Variants in SCLT1 observed in about 807,000 individuals in gnomAD.
SCLT1 encodes the protein sodium channel and clathrin linker 1.
SCLT1 carries 78 observed loss-of-function variants against 112.8 expected under a neutral mutation model. The observed-to-expected ratio is 0.69, with a 90% CI of 0.58 to 0.83. The LOEUF is 0.83. Ranked by LOEUF, SCLT1 falls within the 40% of genes least tolerant of loss-of-function variation. SCLT1 has a pLI of 0.00. For missense variants in SCLT1, 747 were observed against 770.4 expected (o/e 0.97, Z 0.36); for synonymous variants, 257 against 254.7 (o/e 1.01, Z -0.09).
At chr4:128,973,450 G>T (rs1489201602) in intron 9 of SCLT1, among the ~76,000 whole-genome samples, 1 of 148,018 alleles carries the variant, frequency 6.8e-6, no homozygotes, top group African/African-American at 2.5e-5. Context: ...GGAGGGGAAG[G>T]AGTAGTGGGA....
Position 128,937,139 on chromosome 4 carries a change from G to A in SCLT1, c.1633-288C>T, listed in dbSNP as rs144801709. Among the ~76,000 whole-genome samples the A allele has an allele frequency of 3.7e-3, 560 of 151,988 alleles. 2 individuals are homozygous for A. The highest frequency in any genetic ancestry group is 7.0e-3 in the Non-Finnish European group (478 of 67,920). On this transcript the variant is annotated intron_variant, in intron 17 of 20. Transcript: ENST00000281142. ...CTAAAAATACAAAAATTAGCTGGGCGTGATGGCACACGCCTGTAATCCCAG... is the reference window on the plus strand; with the variant it reads ...CTAAAAATACAAAAATTAGCTGGGCATGATGGCACACGCCTGTAATCCCAG...
chr4:128,893,891 AAAT>A (rs1438502142), intron 18 of SCLT1, among the ~76,000 whole-genome samples: 1 of 152,130 alleles, frequency 6.6e-6, no homozygotes, highest in Non-Finnish European at 1.5e-5. Context: ...GAAATTAAAA[AAAT>A]AAGTAACTTG....
At chr4:129,082,434 G>A (rs1752026364) in intron 1 of SCLT1, 61 bp from the exon 2 acceptor site, 1 of 1,017,300 alleles carries the variant, frequency 9.8e-7, no homozygotes, top group Non-Finnish European at 1.5e-6. Context: ...TTTAAAACTA[G>A]AAATACAGTA....
intron 4 of SCLT1, chr4:128,875,078 A>G (rs1047670183): frequency 1.3e-5 from 2 of 152,306 alleles, no homozygotes; most frequent in African/African-American, 4.8e-5. Context: ...TTTATATTAC[A>G]TGACCCAATC....
chr4:128,965,444 AAAAG>A, intron 10 of SCLT1, 126 bp from the exon 11 acceptor site: 1 of 656,736 alleles, frequency 1.5e-6, no homozygotes, highest in Non-Finnish European at 2.7e-6. Context: ...CACTTACGTT[AAAAG>A]AAACAATATG....
chr4:129,030,594 A>G (rs1446655612), intron 5 of SCLT1, among the ~76,000 whole-genome samples: 2 of 152,128 alleles, frequency 1.3e-5, no homozygotes, highest in Non-Finnish European at 2.9e-5. Flanking sequence ...AAGAGAGAAG[A>G]ATCAAATAGA....
chr4:128,908,861 G>A (rs571018274), intron 18 of SCLT1, among the ~76,000 whole-genome samples: 8 of 152,284 alleles, frequency 5.3e-5, no homozygotes, highest in South Asian at 4.2e-4. Context: ...TAAAGAAGGC[G>A]TACACTCTAG....
intron 5 of SCLT1, among the ~76,000 whole-genome samples, chr4:129,025,017 C>T (rs1745902240): frequency 6.6e-6 from 1 of 152,040 alleles, no homozygotes; most frequent in East Asian, 1.9e-4. Context: ...TAAAAAGAAA[C>T]AAACAAAGCC....
intron 1 of SCLT1, among the ~76,000 whole-genome samples, chr4:129,091,041 G>T (rs1451604646): frequency 6.6e-6 from 1 of 152,162 alleles, no homozygotes; most frequent in East Asian, 1.9e-4. Context: ...AGACAATCAA[G>T]ATCAACAGAA....
rs150118072 is a variant in SCLT1 at position 129,009,236 on chromosome 4, C to A, written c.291-5360G>T. Among the ~76,000 whole-genome samples, 911 of 152,244 alleles carry A rather than the reference C, an allele frequency of 6.0e-3. 7 individuals are homozygous for A. Among genetic ancestry groups the A allele is most frequent in the African/African-American group, 0.021 (870 of 41,540 alleles). ...TGTTTTGAGTTCTTTGAGATCCAAG[C>A]CGGGCGCGGTGGCTCACGCCTATAA... On this transcript the variant is annotated intron_variant, in intron 5 of 20. Transcript: ENST00000281142.
In SCLT1 at chr4:129,003,871, T is replaced by G. The variant is rs1329173593; in HGVS notation, c.296A>C (p.His99Pro). 1 of 1,610,678 alleles carries G rather than the reference T, an allele frequency of 6.2e-7. No homozygotes were observed. Among genetic ancestry groups the G allele is most frequent in the African/African-American group, 1.3e-5 (1 of 74,918 alleles). The change falls in exon 6 of 21, where the codon CAC becomes CCC. Residue 99 changes from histidine (H) to proline (P), a missense_variant. His to Pro is a moderately conservative substitution (Grantham distance 77, BLOSUM62 -2). Transcript: ENST00000281142. ...ENVIKENERL[H>P]SELKDAVEKK... ...TTCAACAGCATCTTTTAATTCACTG[T>G]GCAACCTTTGAAACAAATAGTTAAC...
chr4:129,093,162 A>G lies in SCLT1; in HGVS notation c.-59T>C. The stretch of plus-strand genomic sequence containing the variant: ...CTTTACCTTCCTCTGAAAGACAGAG[A>G]GCTTGCTGTGCGGGAAAACAAAACT... On this transcript the variant is annotated 5_prime_UTR_variant, in exon 1 of 21. Coordinates refer to ENST00000281142, the MANE Select transcript of SCLT1 (RefSeq NM_144643.4). The G allele has an allele frequency of 6.5e-7, 1 of 1,540,676 alleles. No individual in the cohort carries two copies. Among genetic ancestry groups the G allele is most frequent in the South Asian group, 1.1e-5 (1 of 89,522 alleles).
At chr4:128,984,939 A>G (rs1560928172) in intron 9 of SCLT1, among the ~76,000 whole-genome samples, 1 of 152,266 alleles carries the variant, frequency 6.6e-6, no homozygotes, top group Non-Finnish European at 1.5e-5. Flanking sequence ...TATTGTTATT[A>G]CAAGCATATG....
chr4:128,912,359 T>C (rs886338224), intron 18 of SCLT1, among the ~76,000 whole-genome samples: 1 of 152,160 alleles, frequency 6.6e-6, no homozygotes, highest in African/African-American at 2.4e-5. Flanking sequence ...ATGGATGCTA[T>C]TGTATGTCAA....
chr4:128,933,323 C>A (rs1374099910), intron 18 of SCLT1, among the ~76,000 whole-genome samples: 2 of 151,696 alleles, frequency 1.3e-5, no homozygotes, highest in Admixed American at 1.3e-4. Flanking sequence ...CAAAGGTGAC[C>A]AAAGACTTTT....
chr4:128,943,174 A>T lies in SCLT1; in HGVS notation c.1454T>A (p.Ile485Lys), dbSNP rs889846876. Residue 485 changes from isoleucine (I) to lysine (K), a missense_variant, in exon 17 of 21, where the codon ATA (isoleucine) becomes AAA (lysine). Physicochemically the swap from Ile to Lys is moderately radical, Grantham distance 102. Coordinates refer to ENST00000281142, the MANE Select transcript of SCLT1 (RefSeq NM_144643.4). ...CTGAATCATTTCTTGGTAACGTGAT[A>T]TTTCTTCTGAGGAGCTGATTAAAAA... ...KQLETDSSEE[I>K]SRYQEMIQKL... The T allele has an allele frequency of 3.7e-6, 6 of 1,607,352 alleles. No individual in the cohort carries two copies. In the Admixed American group the frequency reaches 5.1e-5, roughly 14 times the overall value.
At chr4:128,935,154 G>A (rs751036323) in intron 18 of SCLT1, among the ~76,000 whole-genome samples, 4 of 151,846 alleles carry the variant, frequency 2.6e-5, no homozygotes, top group Non-Finnish European at 4.4e-5. Flanking sequence ...CCCTGACATT[G>A]AGCCTAACTG....
At chr4:128,963,184 T>C (rs2126020103) in intron 11 of SCLT1, among the ~76,000 whole-genome samples, 1 of 152,216 alleles carries the variant, frequency 6.6e-6, no homozygotes, top group Middle Eastern at 3.4e-3. Context: ...GGTCAGAAGG[T>C]AGTGGGGGTG....
At chr4:128,905,820 T>C (rs543205352) in intron 18 of SCLT1, among the ~76,000 whole-genome samples, 1 of 147,342 alleles carries the variant, frequency 6.8e-6, no homozygotes, top group East Asian at 2.0e-4. Context: ...TTTTTTTTTT[T>C]CTAAAATAAT....
Sources: gnomAD v4.1 joint callset for allele counts (sites outside exome capture counted in the v4.1 genomes callset) on GRCh38, gnomAD v4.1.1 for gene constraint, MANE v1.5 for transcripts, NCBI Gene and HGNC (gene_info 2026-07-23, HGNC 2026-07-21) for gene names.